Variants in RPS6KC1 observed in about 807,000 individuals in gnomAD.
The protein encoded by RPS6KC1 is ribosomal protein S6 kinase C1.
In RPS6KC1, 54 loss-of-function variants were observed where a neutral mutation model predicts 103.8. The ratio of observed to expected loss-of-function variants is 0.52; its 90% confidence interval spans 0.42 to 0.65. The LOEUF (loss-of-function observed/expected upper bound fraction) is 0.65. RPS6KC1 is among the 30% of genes least tolerant of loss of function. The pLI, the probability that RPS6KC1 is intolerant of heterozygous loss-of-function variation, is 0.00. For missense variants in RPS6KC1, 1,151 were observed against 1,253.8 expected, an observed-to-expected ratio of 0.92 and a Z score of 1.24; for synonymous variants, 439 against 438.7, an observed-to-expected ratio of 1.00 and a Z score of -0.01.
chr1:213,583,223 C>T, the RPS6KC1 span, among the ~76,000 whole-genome samples: 1 of 152,190 alleles, frequency 6.6e-6, no homozygotes, highest in African/African-American at 2.4e-5. Context: ...AATAAACATT[C>T]GTGCACAAAT....
the RPS6KC1 span, among the ~76,000 whole-genome samples, chr1:213,304,187 CAG>C: frequency 9.3e-6 from 1 of 107,162 alleles, no homozygotes; most frequent in Non-Finnish European, 1.7e-5. Flanking sequence ...GCCTGGGCGA[CAG>C]AGCGAGACTC....
chr1:213,602,114 T>TCTCTCTCTCTC, the RPS6KC1 span, among the ~76,000 whole-genome samples: 2 of 38,004 alleles, frequency 5.3e-5, no homozygotes, highest in Admixed American at 3.3e-4. Context: ...CTTTCTTTCT[T>TCTCTCTCTCTC]TCTTTCTCTT....
chr1:213,381,454 G>A, the RPS6KC1 span, among the ~76,000 whole-genome samples: 3 of 152,050 alleles, frequency 2.0e-5, no homozygotes, highest in East Asian at 1.9e-4. Flanking sequence ...GGGGTGTTGC[G>A]TGCCCTGAAT....
chr1:213,436,029 A>G, the RPS6KC1 span, among the ~76,000 whole-genome samples: 4 of 152,076 alleles, frequency 2.6e-5, no homozygotes, highest in African/African-American at 4.8e-5. Context: ...CTTGTTTGTT[A>G]TGTCTTTCAG....
chr1:213,374,386 G>A, the RPS6KC1 span, among the ~76,000 whole-genome samples: 1 of 152,062 alleles, frequency 6.6e-6, no homozygotes, highest in Admixed American at 6.6e-5. Flanking sequence ...TTTCTCTTAG[G>A]CTATTTTTCT....
At chr1:213,640,560 T>G in the RPS6KC1 span, among the ~76,000 whole-genome samples, 2 of 151,820 alleles carry the variant, frequency 1.3e-5, no homozygotes, top group Non-Finnish European at 2.9e-5. Context: ...CATTTCCCTC[T>G]AAACACGGCT....
At chr1:213,576,887 A>G in the RPS6KC1 span, among the ~76,000 whole-genome samples, 1 of 152,238 alleles carries the variant, frequency 6.6e-6, no homozygotes, top group Non-Finnish European at 1.5e-5. Context: ...ATTGAAGGAA[A>G]TTGAAAGTGC....
the RPS6KC1 span, among the ~76,000 whole-genome samples, chr1:213,336,883 CCATT>C: frequency 6.6e-6 from 1 of 152,062 alleles, no homozygotes; most frequent in Non-Finnish European, 1.5e-5. Context: ...GGTACCATTC[CCATT>C]GTAAACTAAG....
At chr1:213,730,894 T>C in the RPS6KC1 span, among the ~76,000 whole-genome samples, 1 of 152,234 alleles carries the variant, frequency 6.6e-6, no homozygotes, top group African/African-American at 2.4e-5. Context: ...TCCAGGGTTT[T>C]GTAGTTCTAG....
At chr1:213,824,212 C>T in the RPS6KC1 span, among the ~76,000 whole-genome samples, 240 of 152,308 alleles carry the variant, frequency 1.6e-3, 2 homozygotes, top group African/African-American at 5.4e-3. Flanking sequence ...GACAGTGACA[C>T]AATAGGGCCC....
At chr1:213,195,270 A>G (rs1192535699) in intron 8 of RPS6KC1, among the ~76,000 whole-genome samples, 1 of 152,190 alleles carries the variant, frequency 6.6e-6, no homozygotes, top group Non-Finnish European at 1.5e-5. Flanking sequence ...ATTAATATGT[A>G]CACACATAAT....
At chr1:213,351,453 G>C in the RPS6KC1 span, among the ~76,000 whole-genome samples, 1 of 152,232 alleles carries the variant, frequency 6.6e-6, no homozygotes, top group African/African-American at 2.4e-5. Flanking sequence ...TTGCTTGGCA[G>C]AGAGAAGATC....
At chr1:213,370,010 T>C in the RPS6KC1 span, among the ~76,000 whole-genome samples, 1 of 152,144 alleles carries the variant, frequency 6.6e-6, no homozygotes, top group Non-Finnish European at 1.5e-5. Flanking sequence ...CTAATTCTGC[T>C]CTCACTCACT....
intron 3 of RPS6KC1, among the ~76,000 whole-genome samples, chr1:213,090,372 T>C (rs548380266): frequency 4.6e-5 from 7 of 152,202 alleles, no homozygotes; most frequent in African/African-American, 9.6e-5. Context: ...TTTGGTGTTA[T>C]GAATGTATCT....
the RPS6KC1 span, among the ~76,000 whole-genome samples, chr1:213,410,236 G>C: frequency 6.6e-6 from 1 of 152,176 alleles, no homozygotes; most frequent in African/African-American, 2.4e-5. Context: ...GGACCAAAGA[G>C]ACAGGAGAGG....
intron 8 of RPS6KC1, among the ~76,000 whole-genome samples, chr1:213,191,763 ACTAGATATGGGTCTGTC>A (rs2092755232): frequency 6.6e-6 from 1 of 151,944 alleles, no homozygotes; most frequent in African/African-American, 2.4e-5. Flanking sequence ...TCAGTGTGAT[ACTAGATATGGGTCTGTC>A]GTATATGGTT....
At chr1:213,598,110 A>C in the RPS6KC1 span, among the ~76,000 whole-genome samples, 2 of 152,238 alleles carry the variant, frequency 1.3e-5, no homozygotes, top group African/African-American at 4.8e-5. Flanking sequence ...GTAGAAACAC[A>C]ATCTCACCAG....
At chr1:213,856,384 A>C in the RPS6KC1 span, among the ~76,000 whole-genome samples, 1 of 152,090 alleles carries the variant, frequency 6.6e-6, no homozygotes, top group East Asian at 1.9e-4. Context: ...ACATCTGTCT[A>C]TACCACCAAA....
chr1:213,269,401 A>C (rs1179763977), intron 14 of RPS6KC1, among the ~76,000 whole-genome samples: 2 of 152,226 alleles, frequency 1.3e-5, no homozygotes, highest in African/African-American at 4.8e-5. Context: ...AAAATTAGCA[A>C]GGACATTGAA....
Sources: gnomAD v4.1 joint callset for allele counts (sites outside exome capture counted in the v4.1 genomes callset) on GRCh38, gnomAD v4.1.1 for gene constraint, MANE v1.5 for transcripts, NCBI Gene and HGNC (gene_info 2026-07-23, HGNC 2026-07-21) for gene names.